Variants in MRTFB observed in about 807,000 individuals in gnomAD.
The protein encoded by MRTFB is myocardin related transcription factor B.
Under a neutral mutation model 104.2 loss-of-function variants are expected in MRTFB, and 29 were observed. The observed-to-expected ratio is 0.28, with a 90% CI of 0.21 to 0.38. MRTFB has a LOEUF of 0.38. Ranked by LOEUF, MRTFB falls within the 10% of genes least tolerant of loss-of-function variation. The pLI, the probability that MRTFB is intolerant of heterozygous loss-of-function variation, is 1.00. For missense variants in MRTFB, 1,270 were observed against 1,341.6 expected, an observed-to-expected ratio of 0.95 and a Z score of 0.83; for synonymous variants, 535 against 519.5, an observed-to-expected ratio of 1.03 and a Z score of -0.41.
At chr16:14,201,211 GTAGGTATGCACATTCCA>G (rs1267412754) in intron 3 of MRTFB, among the ~76,000 whole-genome samples, 2 of 152,206 alleles carry the variant, frequency 1.3e-5, no homozygotes, top group Non-Finnish European at 2.9e-5. Context: ...ATTCTGTGGT[GTAGGTATGCACATTCCA>G]TAGGTATGCA....
intron 3 of MRTFB, among the ~76,000 whole-genome samples, chr16:14,205,077 C>T (rs1186587241): frequency 6.6e-6 from 1 of 152,090 alleles, no homozygotes; most frequent in East Asian, 1.9e-4. Context: ...ACAGAGTGAT[C>T]GGAGTATGTA....
intron 9 of MRTFB, among the ~76,000 whole-genome samples, chr16:14,239,329 T>G (rs1195862907): frequency 6.6e-6 from 1 of 152,226 alleles, no homozygotes; most frequent in East Asian, 1.9e-4. Context: ...ATGAGACTAT[T>G]CCTAACCTGC....
At chr16:14,003,655 TCCC>T in the MRTFB span, among the ~76,000 whole-genome samples, 19 of 138,668 alleles carry the variant, frequency 1.4e-4, 1 homozygote, top group Non-Finnish European at 2.9e-4. Context: ...CCTCCCTCCC[TCCC>T]TCCCTCCCTC....
intron 2 of MRTFB, among the ~76,000 whole-genome samples, chr16:14,079,781 TTCTA>T (rs1200584782): frequency 1.3e-5 from 2 of 152,104 alleles, no homozygotes; most frequent in African/African-American, 4.8e-5. Context: ...TGAAAAAAAT[TTCTA>T]TCCGTATAAA....
At chr16:14,015,184 G>A in the MRTFB span, among the ~76,000 whole-genome samples, 2 of 152,224 alleles carry the variant, frequency 1.3e-5, no homozygotes, top group Admixed American at 6.5e-5. Context: ...CACAATGCAA[G>A]TGAAATGAAA....
chr16:14,047,565 A>G, the MRTFB span, among the ~76,000 whole-genome samples: 1 of 152,222 alleles, frequency 6.6e-6, no homozygotes, highest in Non-Finnish European at 1.5e-5. Context: ...TAATGGACTC[A>G]CAGTTCATGT....
In MRTFB at chr16:14,079,276, CT is replaced by C. The variant is rs532950279; in HGVS notation, c.-128-5del. The C allele has an allele frequency of 2.1e-4, 74 of 345,622 alleles. No individual in the cohort carries two copies. Among genetic ancestry groups the C allele is most frequent in the Middle Eastern group, 7.6e-4 (1 of 1,322 alleles). The allele number at this position is 345,622 out of a possible 1,614,324, so 21.4% of individuals were successfully genotyped here. A position where few individuals can be genotyped will look rare whatever the true frequency, so the allele number is the denominator to read the frequency against. ...GTGCTCAATAAAAAGTAATTTCTGC[CT>C]TTTTTTTTCCAGGTTCACAATAAAG... On this transcript the variant is annotated splice_polypyrimidine_tract_variant and intron_variant, in intron 1 of 16. Coordinates refer to ENST00000571589, the MANE Select transcript of MRTFB (RefSeq NM_001308142.2).
intron 3 of MRTFB, among the ~76,000 whole-genome samples, chr16:14,192,714 G>A (rs1037819891): frequency 4.6e-5 from 7 of 152,166 alleles, no homozygotes; most frequent in Admixed American, 2.0e-4. Flanking sequence ...AAATAAGCAA[G>A]CATTACAGAC....
the MRTFB span, among the ~76,000 whole-genome samples, chr16:14,026,198 A>G: frequency 1.3e-5 from 2 of 152,360 alleles, no homozygotes; most frequent in Admixed American, 1.3e-4. Context: ...GGGAGATTAT[A>G]GGTTTACACT....
At chr16:14,025,676 T>C in the MRTFB span, among the ~76,000 whole-genome samples, 1 of 152,054 alleles carries the variant, frequency 6.6e-6, no homozygotes, top group Non-Finnish European at 1.5e-5. Flanking sequence ...GACATGGAAG[T>C]CTGTGAGGCT....
At chr16:14,109,999 A>G (rs959672453) in intron 2 of MRTFB, among the ~76,000 whole-genome samples, 2 of 152,228 alleles carry the variant, frequency 1.3e-5, no homozygotes, top group African/African-American at 4.8e-5. Flanking sequence ...AGGAAACCAT[A>G]AGGGTCAATA....
chr16:14,175,338 C>G (rs533990762), intron 3 of MRTFB, among the ~76,000 whole-genome samples: 69 of 152,292 alleles, frequency 4.5e-4, no homozygotes, highest in Non-Finnish European at 8.4e-4. Flanking sequence ...ATCTCAGTCT[C>G]TAGGCAACTA....
chr16:14,220,901 C>T (rs747732900), intron 8 of MRTFB, among the ~76,000 whole-genome samples: 1 of 152,204 alleles, frequency 6.6e-6, no homozygotes, highest in African/African-American at 2.4e-5. Flanking sequence ...CCTGTTAAAT[C>T]ATTTCTGTCC....
At chr16:14,056,047 C>T in the MRTFB span, among the ~76,000 whole-genome samples, 1 of 152,214 alleles carries the variant, frequency 6.6e-6, no homozygotes, top group South Asian at 2.1e-4. Flanking sequence ...GGCACAATCT[C>T]GGCTCACTGC....
In MRTFB at chr16:14,091,720, C is replaced by A. The variant is rs748523776; in HGVS notation, c.-64+12366C>A. Among the ~76,000 whole-genome samples the A allele has an allele frequency of 2.6e-5, 4 of 151,982 alleles. 1 individual carries two copies. The South Asian group carries it at 6.2e-4, about 24-fold the overall frequency. On this transcript the variant is annotated intron_variant, in intron 2 of 16. Transcript: ENST00000571589. ...GTCAAGAATGCCTCCCAAAGCCGGGCGTGGTGGCTCACACCTGTAATCCCA... is the reference window on the plus strand; with the variant it reads ...GTCAAGAATGCCTCCCAAAGCCGGGAGTGGTGGCTCACACCTGTAATCCCA...
intron 2 of MRTFB, among the ~76,000 whole-genome samples, chr16:14,098,371 GT>G (rs1852414381): frequency 6.6e-6 from 1 of 152,162 alleles, no homozygotes; most frequent in African/African-American, 2.4e-5. Flanking sequence ...TTTGCCAATA[GT>G]TGGTAAAGTA....
chr16:13,997,733 C>A, the MRTFB span, among the ~76,000 whole-genome samples: 1 of 138,180 alleles, frequency 7.2e-6, no homozygotes, highest in Non-Finnish European at 1.5e-5. Flanking sequence ...GCGGAGGTTG[C>A]AGTGAGTCAT....
At chr16:13,996,297 A>AC in the MRTFB span, among the ~76,000 whole-genome samples, 1 of 151,550 alleles carries the variant, frequency 6.6e-6, no homozygotes, top group Non-Finnish European at 1.5e-5. Flanking sequence ...AACAAAGAAA[A>AC]AAAAAAAGAA....
At chr16:14,219,076 G>C (rs111520393) in intron 8 of MRTFB, 78 bp downstream of exon 8, 2 of 1,308,888 alleles carry the variant, frequency 1.5e-6, no homozygotes, top group South Asian at 4.4e-5. Flanking sequence ...AATACACTTT[G>C]ACCAGAAGAA....
Sources: gnomAD v4.1 joint callset for allele counts (sites outside exome capture counted in the v4.1 genomes callset) on GRCh38, gnomAD v4.1.1 for gene constraint, MANE v1.5 for transcripts, NCBI Gene and HGNC (gene_info 2026-07-23, HGNC 2026-07-21) for gene names.